The following ADGRF4 variants were observed in gnomAD, a reference collection of about 807,000 sequenced individuals.
ADGRF4 encodes the protein G-protein coupled receptor PGR18.
A neutral mutation model predicts 58.5 loss-of-function variants in ADGRF4; 63 were observed. The ratio of observed to expected loss-of-function variants is 1.08; its 90% confidence interval spans 0.88 to 1.33. ADGRF4 has a LOEUF of 1.33. Ranked by LOEUF, ADGRF4 falls within the 40% of genes most tolerant of loss-of-function variation. The pLI is 0.00. For missense variants in ADGRF4, 931 were observed against 843.9 expected, an observed-to-expected ratio of 1.10 and a Z score of -1.28; for synonymous variants, 313 against 295.4, an observed-to-expected ratio of 1.06 and a Z score of -0.61.
rs1561867793 is a variant in ADGRF4 at position 47,712,576 on chromosome 6, T to G, written c.520T>G (p.Leu174Val). The G allele has an allele frequency of 6.3e-7, 1 of 1,586,540 alleles. No homozygotes were observed. Reference sequence around the variant, plus strand: ...GTTATTAAAAAATATTTCTACAGACTTGTCTGATAATGTTACTCGAGAGAA... The same window carrying G: ...GTTATTAAAAAATATTTCTACAGACGTGTCTGATAATGTTACTCGAGAGAA... ...VELLKNISTD[L>V]SDNVTREKMK... Residue 174 changes from leucine to valine, a missense_variant, in exon 5 of 10, where the codon TTG becomes GTG. By Grantham distance (32) the Leu-to-Val change is conservative (BLOSUM62 1). Coordinates refer to ENST00000283303, the MANE Select transcript of ADGRF4 (RefSeq NM_153838.5).
rs1008970738 is a variant in ADGRF4 at position 47,714,027 on chromosome 6, G to A, written c.782G>A (p.Ser261Asn). The A allele has an allele frequency of 1.9e-6, 3 of 1,610,774 alleles. No homozygotes were observed. Among genetic ancestry groups the A allele is most frequent in the African/African-American group, 1.3e-5 (1 of 74,752 alleles). The change falls in exon 6 of 10, where the codon AGC becomes AAC. Residue 261 changes from serine (S) to asparagine (N), a missense_variant. Ser to Asn is a conservative substitution (Grantham distance 46, BLOSUM62 1). Transcript: ENST00000283303. Reference sequence around the variant, plus strand: ...GAGAAAAGCCTCAATTTCTCCATGAGCATGAACAATACCACAGAAGATATC... The same window carrying A: ...GAGAAAAGCCTCAATTTCTCCATGAACATGAACAATACCACAGAAGATATC... Reference protein sequence around the residue: ...TSEKSLNFSMSMNNTTEDILG... With the variant: ...TSEKSLNFSMNMNNTTEDILG...
At chr6:47,711,551 G>A (rs929943204) in intron 4 of ADGRF4, among the ~76,000 whole-genome samples, 5 of 152,214 alleles carry the variant, frequency 3.3e-5, no homozygotes, top group Admixed American at 6.5e-5. Flanking sequence ...GTAAGCCACC[G>A]CGCCGGGCCT....
intron 8 of ADGRF4, among the ~76,000 whole-genome samples, chr6:47,717,968 C>T (rs865933944): frequency 6.6e-6 from 1 of 152,138 alleles, no homozygotes; most frequent in Non-Finnish European, 1.5e-5. Context: ...ATTTGTTTAA[C>T]CTACAGATTC....
At chr6:47,703,147 C>T (rs908350798) in intron 1 of ADGRF4, among the ~76,000 whole-genome samples, 1 of 152,188 alleles carries the variant, frequency 6.6e-6, no homozygotes, top group Non-Finnish European at 1.5e-5. Flanking sequence ...TTTACTGAAA[C>T]TTTTCAGTTT....
At chr6:47,708,358 C>A in intron 3 of ADGRF4, 80 bp downstream of exon 3, 2 of 1,054,796 alleles carry the variant, frequency 1.9e-6, no homozygotes, top group Non-Finnish European at 2.9e-6. Context: ...CAAGCTTGTC[C>A]CCAGACCACA....
chr6:47,707,160 G>C, intron 1 of ADGRF4, 70 bp from the exon 2 acceptor site: 2 of 870,988 alleles, frequency 2.3e-6, no homozygotes, highest in Non-Finnish European at 4.0e-6. Context: ...GGGTTGGTTA[G>C]CCGGATAAGT....
Position 47,714,437 on chromosome 6 carries a change from G to A in ADGRF4, c.1192G>A (p.Asp398Asn), listed in dbSNP as rs376942274. The part of the protein sequence containing the change: ...SILMSSKSMT[D>N]KVLDYITCIG... ...TCTCATGTCCTCCAAATCGATGACC[G>A]ACAAAGTTCTGGACTACATCACCTG... The change falls in exon 6 of 10, where the codon GAC (aspartate) becomes AAC (asparagine). Residue 398 changes from aspartate (D) to asparagine (N), a missense_variant. Physicochemically the swap from Asp to Asn is conservative, Grantham distance 23. Coordinates refer to ENST00000283303, the MANE Select transcript of ADGRF4 (RefSeq NM_153838.5). 5.4e-5 allele frequency: 87 copies of A among 1,613,952 alleles called. No homozygotes were observed. Among genetic ancestry groups the A allele is most frequent in the Middle Eastern group, 1.6e-4 (1 of 6,084 alleles).
At chr6:47,715,849 T>A (rs1007194825) in intron 6 of ADGRF4, among the ~76,000 whole-genome samples, 2 of 152,196 alleles carry the variant, frequency 1.3e-5, no homozygotes, top group Admixed American at 6.5e-5. Flanking sequence ...TGATACAAAA[T>A]AGAAAGCAGA....
intron 1 of ADGRF4, among the ~76,000 whole-genome samples, chr6:47,703,712 C>T (rs1461102691): frequency 4.6e-5 from 7 of 152,032 alleles, no homozygotes; most frequent in South Asian, 2.1e-4. Context: ...TTTATGGTCA[C>T]GCTTATGATT....
rs371898872 is a variant in ADGRF4, at chr6:47,714,563, C to T, written c.1318C>T (p.His440Tyr). 12 of 1,614,014 alleles carry T rather than the reference C, an allele frequency of 7.4e-6. No homozygotes were observed. In the African/African-American group the frequency reaches 1.5e-4, roughly 20 times the overall value. ...VVVTEISYMR[H>Y]VCIVNIAVSL... ...TGTGACGGAGATATCATACATGCGT[C>T]ACGTGTGCATCGTGAATATAGCAGT... The change falls in exon 6 of 10, where the codon CAC (histidine) becomes TAC (tyrosine). Residue 440 changes from histidine (H) to tyrosine (Y), a missense_variant. Coordinates refer to ENST00000283303, the MANE Select transcript of ADGRF4 (RefSeq NM_153838.5).
At chr6:47,710,608 G>T (rs1375936518) in intron 3 of ADGRF4, 127 bp from the exon 4 acceptor site, 6 of 863,482 alleles carry the variant, frequency 6.9e-6, no homozygotes, top group Admixed American at 2.8e-5. Context: ...CGTGGACCCA[G>T]TTCAACCCAA....
intron 8 of ADGRF4, 126 bp from the exon 9 acceptor site, chr6:47,718,263 T>C: frequency 1.5e-6 from 1 of 672,060 alleles, no homozygotes; most frequent in South Asian, 1.8e-5. Context: ...TTTACTTCTG[T>C]GTAGCTATAT....
Position 47,714,159 on chromosome 6 carries a change from C to A in ADGRF4, c.914C>A (p.Ala305Asp). The A allele has an allele frequency of 6.2e-7, 1 of 1,613,786 alleles. No individual in the cohort carries two copies. The highest frequency in any genetic ancestry group is 2.2e-5 in the East Asian group (1 of 44,880). Reference sequence around the variant, plus strand: ...ACCTTGGGGGCTATCCTGAGAGAAGCCCACTTGCAAAATGTGAGTCTTCCC... The same window carrying A: ...ACCTTGGGGGCTATCCTGAGAGAAGACCACTTGCAAAATGTGAGTCTTCCC... ...FPTLGAILRE[A>D]HLQNVSLPRQ... The change falls in exon 6 of 10, where the codon GCC (alanine) becomes GAC (aspartate). Residue 305 changes from alanine (A) to aspartate (D), a missense_variant. By Grantham distance (126) the Ala-to-Asp change is moderately radical (BLOSUM62 -2). Transcript: ENST00000283303.
intron 1 of ADGRF4, among the ~76,000 whole-genome samples, chr6:47,703,604 T>C (rs1293149639): frequency 1.3e-5 from 2 of 152,222 alleles, no homozygotes; most frequent in African/African-American, 4.8e-5. Context: ...AAATGGTATA[T>C]AGTTACATAT....
intron 1 of ADGRF4, among the ~76,000 whole-genome samples, chr6:47,702,334 G>A (rs1271640308): frequency 2.0e-5 from 3 of 152,142 alleles, no homozygotes; most frequent in African/African-American, 4.8e-5. Context: ...TGGCTTTTAT[G>A]AGACCAGTCT....
chr6:47,702,680 C>T (rs1447999590), intron 1 of ADGRF4, among the ~76,000 whole-genome samples: 7 of 152,094 alleles, frequency 4.6e-5, no homozygotes, highest in African/African-American at 1.2e-4. Context: ...TAAATGGAGA[C>T]GTCTCTTCCC....
rs1281787123 is a variant in ADGRF4, at chr6:47,708,180, G to C, written c.94-44G>C. On this transcript the variant is annotated intron_variant, in intron 2 of 9. Transcript: ENST00000283303. ...GCCTCTAAGCTGAGATGAGGGAGCA[G>C]AGTCCCACAGTAAAGAGGACCATTG... 3.5e-6 allele frequency: 5 copies of C among 1,433,424 alleles called. No homozygotes were observed. In the South Asian group the frequency reaches 4.6e-5, roughly 13 times the overall value. 88.8% of individuals were successfully genotyped at this position (1,433,424 alleles called of 1,614,324 possible).
chr6:47,705,607 G>A (rs959016334), intron 1 of ADGRF4, among the ~76,000 whole-genome samples: 1 of 152,222 alleles, frequency 6.6e-6, no homozygotes, highest in African/African-American at 2.4e-5. Context: ...TAATTTGGAA[G>A]CATTCTTGTA....
Position 47,717,179 on chromosome 6 carries a change from A to G in ADGRF4, c.1975-113A>G. On this transcript the variant is annotated intron_variant, in intron 7 of 9. Transcript: ENST00000283303. ...TTGTTACTTGCCAGTCACTATGCTAAGTCCTCTGATATTGCTTCTGCCAGG... is the reference window on the plus strand; with the variant it reads ...TTGTTACTTGCCAGTCACTATGCTAGGTCCTCTGATATTGCTTCTGCCAGG... 3.8e-6 allele frequency: 3 copies of G among 789,130 alleles called. No individual in the cohort carries two copies. The Admixed American group carries it at 5.3e-5, about 14-fold the overall frequency. 48.9% of individuals were successfully genotyped at this position (789,130 alleles called of 1,614,324 possible). A position where few individuals can be genotyped will look rare whatever the true frequency, so the allele number is the denominator to read the frequency against.
Sources: allele counts gnomAD v4.1 joint callset (sites outside exome capture counted in the v4.1 genomes callset), GRCh38; gene constraint gnomAD v4.1.1; transcripts MANE v1.5; gene names NCBI Gene and HGNC (gene_info 2026-07-23, HGNC 2026-07-21).